BBS9: variants seen among roughly 807,000 people sequenced by gnomAD.
The protein encoded by BBS9 is protein PTHB1.
A neutral mutation model predicts 117.7 loss-of-function variants in BBS9; 89 were observed. That is an observed-to-expected ratio of 0.76 (90% CI 0.64 to 0.90). BBS9 has a LOEUF of 0.90. Ranked by LOEUF, BBS9 falls within the 40% of genes least tolerant of loss-of-function variation. BBS9 has a pLI of 0.00. For missense variants in BBS9, 982 were observed against 1,042.2 expected (o/e 0.94, Z 0.80); for synonymous variants, 379 against 370.9 (o/e 1.02, Z -0.25).
chr7:33,246,562 T>C (rs1304754412), intron 5 of BBS9, among the ~76,000 whole-genome samples: 3 of 152,218 alleles, frequency 2.0e-5, no homozygotes, highest in Non-Finnish European at 4.4e-5. Flanking sequence ...CTTATCATGA[T>C]TGGCTATTAC....
At chr7:33,275,651 G>T (rs1173644616) in intron 9 of BBS9, among the ~76,000 whole-genome samples, 2 of 152,072 alleles carry the variant, frequency 1.3e-5, no homozygotes, top group Non-Finnish European at 2.9e-5. Flanking sequence ...TTGGGGTTTT[G>T]GTGTGTATTT....
intron 7 of BBS9, among the ~76,000 whole-genome samples, chr7:33,265,657 C>T (rs528035160): frequency 1.3e-5 from 2 of 152,126 alleles, no homozygotes; most frequent in Admixed American, 6.5e-5. Flanking sequence ...GCAGCCTGGC[C>T]AACATGGAGA....
At chr7:33,175,618 G>A (rs1797233109) in intron 4 of BBS9, among the ~76,000 whole-genome samples, 1 of 152,108 alleles carries the variant, frequency 6.6e-6, no homozygotes, top group South Asian at 2.1e-4. Context: ...TGACAGCTTA[G>A]CATTTACCTT....
At chr7:33,163,945 C>T (rs1398448839) in intron 4 of BBS9, among the ~76,000 whole-genome samples, 3 of 152,092 alleles carry the variant, frequency 2.0e-5, no homozygotes, top group Admixed American at 2.0e-4. Flanking sequence ...TTAGATCTTT[C>T]CTGCTTTCTC....
At chr7:33,232,973 A>G (rs1470134869) in intron 5 of BBS9, among the ~76,000 whole-genome samples, 1 of 152,152 alleles carries the variant, frequency 6.6e-6, no homozygotes, top group African/African-American at 2.4e-5. Flanking sequence ...TATATGTTAA[A>G]CCCATAATTC....
At chr7:33,161,599 A>G (rs747145764) in intron 4 of BBS9, among the ~76,000 whole-genome samples, 1 of 152,204 alleles carries the variant, frequency 6.6e-6, no homozygotes, top group Non-Finnish European at 1.5e-5. Flanking sequence ...ATGTGTCTTT[A>G]TAGTAGCATG....
At chr7:33,303,522 T>TC (rs758450052) in intron 9 of BBS9, among the ~76,000 whole-genome samples, 3,649 of 76,640 alleles carry the variant, frequency 0.048, 190 homozygotes, top group African/African-American at 0.1. Flanking sequence ...AATGATCCCC[T>TC]CCCCCCGCCC....
At chr7:33,447,007 A>C (rs1837094070) in intron 19 of BBS9, among the ~76,000 whole-genome samples, 1 of 152,226 alleles carries the variant, frequency 6.6e-6, no homozygotes, top group Non-Finnish European at 1.5e-5. Flanking sequence ...AAAGAAACTA[A>C]TGAATTTATA....
At chr7:33,521,459 A>G (rs1848581532) in intron 20 of BBS9, among the ~76,000 whole-genome samples, 2 of 152,172 alleles carry the variant, frequency 1.3e-5, no homozygotes. Flanking sequence ...AAGTTTTTTC[A>G]GCTTGTGAGT....
chr7:33,234,566 A>G (rs906817253), intron 5 of BBS9, among the ~76,000 whole-genome samples: 1 of 151,996 alleles, frequency 6.6e-6, no homozygotes, highest in African/African-American at 2.4e-5. Context: ...ATTGTTTTAC[A>G]TTAGATCTTC....
intron 19 of BBS9, among the ~76,000 whole-genome samples, chr7:33,485,434 C>T (rs970368197): frequency 6.6e-6 from 1 of 151,782 alleles, no homozygotes; most frequent in Non-Finnish European, 1.5e-5. Context: ...CTCAGCCTCC[C>T]GAGTAGCTGG....
At chr7:33,166,170 TGCAGAACAGCAAATATC>T (rs1384122964) in intron 4 of BBS9, among the ~76,000 whole-genome samples, 1 of 152,244 alleles carries the variant, frequency 6.6e-6, no homozygotes, top group African/African-American at 2.4e-5. Flanking sequence ...CAGCAGAGGC[TGCAGAACAGCAAATATC>T]GCAGAAGAGC....
At chr7:33,424,013 A>AT (rs1180453726) in intron 19 of BBS9, among the ~76,000 whole-genome samples, 1 of 152,106 alleles carries the variant, frequency 6.6e-6, no homozygotes, top group African/African-American at 2.4e-5. Flanking sequence ...ACTCAGTGGC[A>AT]TTTTTTTGCT....
At chr7:33,156,417 G>C (rs1794099017) in intron 4 of BBS9, among the ~76,000 whole-genome samples, 6 of 152,190 alleles carry the variant, frequency 3.9e-5, no homozygotes. Context: ...CTGTGAGGCT[G>C]TTCCTTTTAC....
intron 9 of BBS9, among the ~76,000 whole-genome samples, chr7:33,292,258 C>T (rs1220074093): frequency 6.6e-6 from 1 of 152,022 alleles, no homozygotes; most frequent in Non-Finnish European, 1.5e-5. Context: ...GACAAGGCCT[C>T]CCTCTGTTGC....
intron 19 of BBS9, among the ~76,000 whole-genome samples, chr7:33,397,120 A>C (rs1828111698): frequency 6.6e-6 from 1 of 152,170 alleles, no homozygotes; most frequent in Non-Finnish European, 1.5e-5. Flanking sequence ...AACTTAAACA[A>C]ATTTACAAGA....
chr7:33,357,072 T>C (rs545498323), intron 15 of BBS9, among the ~76,000 whole-genome samples: 1 of 151,962 alleles, frequency 6.6e-6, no homozygotes, highest in South Asian at 2.1e-4. Context: ...AATTTCATTT[T>C]CTGTAAAAAT....
At chr7:33,252,161 G>A (rs1316266436) in intron 5 of BBS9, among the ~76,000 whole-genome samples, 1 of 152,112 alleles carries the variant, frequency 6.6e-6, no homozygotes, top group Non-Finnish European at 1.5e-5. Flanking sequence ...ACAACAAGAT[G>A]TCGTGATAAA....
At chr7:33,431,943 C>T (rs919932181) in intron 19 of BBS9, among the ~76,000 whole-genome samples, 4 of 152,100 alleles carry the variant, frequency 2.6e-5, no homozygotes, top group Non-Finnish European at 4.4e-5. Flanking sequence ...AATCAAGCAC[C>T]ACTTGATAGT....
Sources: gnomAD v4.1 joint callset for allele counts (sites outside exome capture counted in the v4.1 genomes callset) on GRCh38, gnomAD v4.1.1 for gene constraint, MANE v1.5 for transcripts, NCBI Gene and HGNC (gene_info 2026-07-23, HGNC 2026-07-21) for gene names.